PRKCG: variants seen among roughly 807,000 people sequenced by gnomAD.
PRKCG encodes the protein protein kinase C gamma, also known as protein kinase C gamma type.
Under a neutral mutation model 82.0 loss-of-function variants are expected in PRKCG, and 28 were observed. The observed-to-expected ratio is 0.34, with a 90% CI of 0.25 to 0.47. The LOEUF (loss-of-function observed/expected upper bound fraction) is 0.47. Ranked by LOEUF, PRKCG falls within the 20% of genes least tolerant of loss-of-function variation. The probability of loss-of-function intolerance (pLI) is 1.00; values close to 1 mark genes in which losing one functional copy is unlikely to be tolerated. For synonymous variants in PRKCG, 383 were observed against 376.6 expected (o/e 1.02, Z -0.20); for missense variants, 640 against 952.7 (o/e 0.67, Z 4.32).
At position 53,883,652 on chromosome 19, in the gene PRKCG, G is replaced by A. The variant is rs1374291844; in HGVS notation, c.202+458G>A. ...CAGTTCTGGGGGGCGGGAGAGGGGG[G>A]CGAGTCCTTGAGCACCAGCTGCTAC... is the stretch of plus-strand genomic sequence containing the variant. On this transcript the variant is annotated intron_variant, in intron 2 of 17. Transcript: ENST00000263431. The surrounding 1 kb of genome is among the most constrained non-coding windows in gnomAD (Gnocchi z 5.4). Among the ~76,000 whole-genome samples, 2 of 138,412 alleles carry A rather than the reference G, an allele frequency of 1.4e-5. No individual in the cohort carries two copies. Among genetic ancestry groups the A allele is most frequent in the African/African-American group, 2.6e-5 (1 of 38,218 alleles). The allele number at this position is 138,412 out of a possible 152,430, so 90.8% of individuals were successfully genotyped here.
intron 14 of PRKCG, among the ~76,000 whole-genome samples, chr19:53,901,223 A>G (rs2123018298): frequency 6.6e-6 from 1 of 152,204 alleles, no homozygotes; most frequent in African/African-American, 2.4e-5. Flanking sequence ...ATGTAAGTGT[A>G]CTGGACTTCT....
At position 53,898,591 on chromosome 19, in the gene PRKCG, A is replaced by C. The variant is rs2123010463; in HGVS notation, c.1244A>C (p.His415Pro). The change falls in exon 11 of 18, where the codon CAC becomes CCC. Residue 415 changes from histidine to proline, a missense_variant. Around this residue, in one of 7 missense-constraint regions of PRKCG, gnomAD observed 78 missense variants for 105.6 expected, o/e 0.74. Coordinates refer to ENST00000263431, the MANE Select transcript of PRKCG (RefSeq NM_002739.5). ...LGGRGPGGRP[H>P]FLTQLHSTFQ... ...GGCCGGGGTCCTGGCGGCCGGCCCC[A>C]CTTCCTCACCCAGCTCCACTCCACC... The C allele has an allele frequency of 6.2e-7, 1 of 1,602,652 alleles. No homozygotes were observed. The highest frequency in any genetic ancestry group is 2.3e-5 in the East Asian group (1 of 44,244).
rs1568764306 is a variant in PRKCG, at chr19:53,906,342, G to A, written c.1790G>A (p.Arg597His). The A allele has an allele frequency of 1.9e-6, 3 of 1,551,650 alleles. No homozygotes were observed. Among genetic ancestry groups the A allele is most frequent in the South Asian group, 1.2e-5 (1 of 84,084 alleles). Residue 597 changes from arginine (R) to histidine (H), a missense_variant, in exon 17 of 18, where the codon CGC becomes CAC. Transcript: ENST00000263431. Reference sequence around the variant, plus strand: ...TTCCTGACCAAGCACCCAGGGAAGCGCCTGGGCTCAGGGCCTGATGGGGAA... The same window carrying A: ...TTCCTGACCAAGCACCCAGGGAAGCACCTGGGCTCAGGGCCTGATGGGGAA... ...KGFLTKHPGK[R>H]LGSGPDGEPT...
chr19:53,906,306 G>A lies in PRKCG; in HGVS notation c.1765-11G>A. 6.4e-7 allele frequency: 1 copy of A among 1,551,108 alleles called. No individual in the cohort carries two copies. Among genetic ancestry groups the A allele is most frequent in the Non-Finnish European group, 8.7e-7 (1 of 1,146,904 alleles). ...TGTTTGTCTGTCTGTCTCTCTCTGT[G>A]TTTCCCACAGTTCCTGACCAAGCAC... On this transcript the variant is annotated splice_polypyrimidine_tract_variant and intron_variant, in intron 16 of 17. Coordinates refer to ENST00000263431, the MANE Select transcript of PRKCG (RefSeq NM_002739.5).
At position 53,892,388 on chromosome 19, in the gene PRKCG, C is replaced by T. The variant is rs2068682825; in HGVS notation, c.687-121C>T. 4.8e-6 allele frequency: 7 copies of T among 1,464,738 alleles called. No homozygotes were observed. Among genetic ancestry groups the T allele is most frequent in the South Asian group, 3.7e-5 (3 of 80,208 alleles). 90.7% of individuals were successfully genotyped at this position (1,464,738 alleles called of 1,614,324 possible). A position where few individuals can be genotyped will look rare whatever the true frequency, so the allele number is the denominator to read the frequency against. ...GCTGGGAAGGTCAGAGGTCGGAGAC[C>T]GACAAAGCAGGAGAGGAGCCCCAGC... On this transcript the variant is annotated intron_variant, in intron 6 of 17. Coordinates refer to ENST00000263431, the MANE Select transcript of PRKCG (RefSeq NM_002739.5). The surrounding 1 kb of genome is among the most constrained non-coding windows in gnomAD (Gnocchi z 5.9).
upstream of PRKCG, chr19:53,881,850 T>C (rs307941): frequency 0.88 from 137,567 of 155,696 alleles, 61,248 homozygotes; most frequent in East Asian, 0.99. Context: ...AGTGAGAACC[T>C]TAGCGCCCTG....
At chr19:53,895,258 C>T (rs778819955) in intron 9 of PRKCG, among the ~76,000 whole-genome samples, 2 of 152,020 alleles carry the variant, frequency 1.3e-5, no homozygotes, top group Middle Eastern at 3.4e-3. Context: ...CCTAGTAAGG[C>T]GGGCGGATCA....
In PRKCG at chr19:53,883,066, G is replaced by A; in HGVS notation, c.171-97G>A. On this transcript the variant is annotated intron_variant, in intron 1 of 17. Transcript: ENST00000263431. The surrounding 1 kb of genome is among the most constrained non-coding windows in gnomAD (Gnocchi z 5.4). ...GGGGCTTGGACACCTGGGCCCTGCG[G>A]GAGGAGGGTCAGAGAGCGCAGGCCC... 6.7e-7 allele frequency: 1 copy of A among 1,494,754 alleles called. No individual in the cohort carries two copies. The highest frequency in any genetic ancestry group is 1.1e-5 in the South Asian group (1 of 88,650). The allele number at this position is 1,494,754 out of a possible 1,614,324, so 92.6% of individuals were successfully genotyped here. A position where few individuals can be genotyped will look rare whatever the true frequency, so the allele number is the denominator to read the frequency against.
chr19:53,890,910 C>T lies in PRKCG; in HGVS notation c.530-764C>T, dbSNP rs117085274. The stretch of plus-strand genomic sequence containing the variant: ...GGGACTACAGGTGCATGACACTGCA[C>T]CCAGCTCATTTTTGTATTTTTAGTA... On this transcript the variant is annotated intron_variant, in intron 5 of 17. Transcript: ENST00000263431. Among the ~76,000 whole-genome samples the T allele has an allele frequency of 6.5e-3, 981 of 152,010 alleles. 4 individuals are homozygous for T. Among genetic ancestry groups the T allele is most frequent in the Non-Finnish European group, 0.01 (695 of 67,954 alleles).
At chr19:53,903,000 A>G in intron 14 of PRKCG, 73 bp from the exon 15 acceptor site, 5 of 1,084,624 alleles carry the variant, frequency 4.6e-6, no homozygotes, top group Non-Finnish European at 7.1e-6. Flanking sequence ...TAGCGCTCCC[A>G]GGGGGTGAGG....
intron 9 of PRKCG, among the ~76,000 whole-genome samples, chr19:53,893,877 CTGAGTAGCTGGGATTACAGG>C (rs1378345378): frequency 1.3e-5 from 2 of 151,874 alleles, no homozygotes; most frequent in Non-Finnish European, 2.9e-5. Context: ...CCTCAGCCTC[CTGAGTAGCTGGGATTACAGG>C]TGACCGCCAC....
intron 5 of PRKCG, among the ~76,000 whole-genome samples, chr19:53,891,142 A>G (rs757991033): frequency 3.9e-5 from 6 of 152,106 alleles, no homozygotes; most frequent in African/African-American, 7.2e-5. Flanking sequence ...CCAGGGTCCA[A>G]ACTCTGGTTC....
intron 3 of PRKCG, among the ~76,000 whole-genome samples, chr19:53,886,850 C>T (rs2068634821): frequency 6.6e-6 from 1 of 152,206 alleles, no homozygotes; most frequent in Non-Finnish European, 1.5e-5. Context: ...CCTCTCTGCA[C>T]TTGTTGAATT....
In PRKCG at chr19:53,897,972, G is replaced by A; in HGVS notation, c.953G>A (p.Gly318Asp). The change falls in exon 10 of 18, where the codon GGC (glycine) becomes GAC (aspartate). Residue 318 changes from glycine to aspartate, a missense_variant. Coordinates refer to ENST00000263431, the MANE Select transcript of PRKCG (RefSeq NM_002739.5). ...TCCTTTCCACAGCGGGTGCGGATGG[G>A]CCCCTCTTCCTCTCCCATCCCCTCC... ...PLELYERVRM[G>D]PSSSPIPSPS... is the part of the protein sequence containing the mutation. The A allele has an allele frequency of 6.2e-7, 1 of 1,614,056 alleles. No individual in the cohort carries two copies. Among genetic ancestry groups the A allele is most frequent in the Non-Finnish European group, 8.5e-7 (1 of 1,180,012 alleles).
Position 53,906,301 on chromosome 19 carries a change from T to C in PRKCG, c.1765-16T>C. The C allele has an allele frequency of 6.4e-7, 1 of 1,551,300 alleles. No homozygotes were observed. The highest frequency in any genetic ancestry group is 8.7e-7 in the Non-Finnish European group (1 of 1,146,932). ...CTGTCTGTTTGTCTGTCTGTCTCTC[T>C]CTGTGTTTCCCACAGTTCCTGACCA... On this transcript the variant is annotated splice_polypyrimidine_tract_variant and intron_variant, in intron 16 of 17. Transcript: ENST00000263431.
rs779791698 is a variant in PRKCG, at chr19:53,900,781, T to C, written c.1575+32T>C. 1.9e-6 allele frequency: 3 copies of C among 1,613,826 alleles called. 1 individual carries two copies. In the South Asian group the frequency reaches 3.3e-5, roughly 18 times the overall value. ...CCAACCCTGCTGCTCTGGTCACGCTTTGAGATCCCTTAGAGGGTGTAGCTG... is the reference window on the plus strand; with the variant it reads ...CCAACCCTGCTGCTCTGGTCACGCTCTGAGATCCCTTAGAGGGTGTAGCTG... On this transcript the variant is annotated intron_variant, in intron 14 of 17. Coordinates refer to ENST00000263431, the MANE Select transcript of PRKCG (RefSeq NM_002739.5). The surrounding 1 kb of genome is among the most constrained non-coding windows in gnomAD (Gnocchi z 4.2).
In PRKCG at chr19:53,903,060, C is replaced by G; in HGVS notation, c.1576-13C>G. On this transcript the variant is annotated splice_polypyrimidine_tract_variant and intron_variant, in intron 14 of 17. Coordinates refer to ENST00000263431, the MANE Select transcript of PRKCG (RefSeq NM_002739.5). Reference sequence around the variant, plus strand: ...AGAACGCATCATGATTCCCTGCCTTCCACCTCCCCTAGATCATTGCCTACC... The same window carrying G: ...AGAACGCATCATGATTCCCTGCCTTGCACCTCCCCTAGATCATTGCCTACC... The G allele has an allele frequency of 6.2e-7, 1 of 1,609,596 alleles. No individual in the cohort carries two copies. The highest frequency in any genetic ancestry group is 8.5e-7 in the Non-Finnish European group (1 of 1,175,974).
In PRKCG at chr19:53,900,181, T is replaced by C; in HGVS notation, c.1282-52T>C. On this transcript the variant is annotated intron_variant, in intron 11 of 17. Transcript: ENST00000263431. This position sits in a 1 kb window ranked among gnomAD's most constrained non-coding sequence, Gnocchi z 4.2. Reference sequence around the variant, plus strand: ...TCCTGAGTGATCAGGAAAGAAATTCTCCTACTCTGGGTAGATGGATCCCGC... The same window carrying C: ...TCCTGAGTGATCAGGAAAGAAATTCCCCTACTCTGGGTAGATGGATCCCGC... 6.5e-7 allele frequency: 1 copy of C among 1,532,100 alleles called. No homozygotes were observed. Among genetic ancestry groups the C allele is most frequent in the African/African-American group, 1.4e-5 (1 of 73,304 alleles). 94.9% of individuals were successfully genotyped at this position (1,532,100 alleles called of 1,614,324 possible). A position where few individuals can be genotyped will look rare whatever the true frequency, so the allele number is the denominator to read the frequency against.
At position 53,892,756 on chromosome 19, in the gene PRKCG, A is replaced by G. The variant is rs111309735; in HGVS notation, c.821+113A>G. On this transcript the variant is annotated intron_variant, in intron 7 of 17. Coordinates refer to ENST00000263431, the MANE Select transcript of PRKCG (RefSeq NM_002739.5). The surrounding 1 kb of genome is among the most constrained non-coding windows in gnomAD (Gnocchi z 5.9). ...TCCCTCTGCCTCCCAGCATGCGCAC[A>G]CACACACACACACACACACACACAC... The G allele has an allele frequency of 0.024, 7,618 of 312,302 alleles. 157 individuals carry two copies. Among genetic ancestry groups the G allele is most frequent in the African/African-American group, 0.056 (653 of 11,632 alleles). 19.3% of individuals were successfully genotyped at this position (312,302 alleles called of 1,614,324 possible).
Sources: allele counts gnomAD v4.1 joint callset (sites outside exome capture counted in the v4.1 genomes callset), GRCh38; gene constraint gnomAD v4.1.1; regional missense constraint gnomAD v4.1.1; non-coding constraint Gnocchi (gnomAD v3.1); transcripts MANE v1.5; gene names NCBI Gene and HGNC (gene_info 2026-07-23, HGNC 2026-07-21).